Variants in XG observed in about 807,000 individuals in gnomAD.
XG encodes Xg glycoprotein (Xg blood group).
A neutral mutation model predicts 25.7 loss-of-function variants in XG; 24 were observed. The ratio of observed to expected loss-of-function variants is 0.93; its 90% CI spans 0.68 to 1.31. The LOEUF (loss-of-function observed/expected upper bound fraction) is 1.31, where lower values mean the gene tolerates loss of function less well. Ranked by LOEUF, XG falls within the 40% of genes most tolerant of loss-of-function variation. The pLI, the probability that XG is intolerant of heterozygous loss-of-function variation, is 0.00. For synonymous variants in XG, 77 were observed against 69.2 expected (o/e 1.11, Z -0.56); for missense variants, 181 against 187.6 (o/e 0.96, Z 0.21).
rs1278660840 is a variant in XG, at chrX:2,752,278, G to C, written c.4G>C (p.Glu2Gln). Residue 2 changes from glutamate to glutamine, a missense_variant, in exon 1 of 11, where the codon GAG becomes CAG. Physicochemically the swap from Glu to Gln is conservative, Grantham distance 29 (BLOSUM62 2). Coordinates refer to ENST00000644266, the MANE Select transcript of XG (RefSeq NM_001141919.2). ...TTCTTGCATCCTGAAGCAAACCATG[G>C]AGAGCTGGTGGGGACTTCCCTGTCT... Reference protein sequence around the residue: MESWWGLPCLAF... With the variant: MQSWWGLPCLAF... 1 of 1,613,890 alleles carries C rather than the reference G, an allele frequency of 6.2e-7. No individual in the cohort carries two copies. Among genetic ancestry groups the C allele is most frequent in the East Asian group, 2.2e-5 (1 of 44,882 alleles).
chrX:2,797,773 T>G (rs2086899828), intron 7 of XG, among the ~76,000 whole-genome samples: 1 of 111,643 alleles, frequency 9.0e-6, no homozygotes, highest in African/African-American at 3.3e-5. Context: ...GGCTCATGCC[T>G]GTAATCCCAG....
chrX:2,757,236 C>G (rs1022872440), intron 1 of XG, among the ~76,000 whole-genome samples: 1 of 152,048 alleles, frequency 6.6e-6, no homozygotes, highest in African/African-American at 2.4e-5. Context: ...TGGTTCCTCA[C>G]CTTTTCTGCT....
chrX:2,807,173 TG>T (rs1353848465), intron 8 of XG, among the ~76,000 whole-genome samples: 2 of 113,190 alleles, frequency 1.8e-5, no homozygotes, highest in Non-Finnish European at 3.7e-5. Context: ...TGTTTGTGTA[TG>T]TGCACAGATG....
chrX:2,776,158 C>G (rs2124471219), intron 3 of XG, among the ~76,000 whole-genome samples: 1 of 151,854 alleles, frequency 6.6e-6, no homozygotes, highest in East Asian at 1.9e-4. Context: ...AATTAAGAGT[C>G]CTTTATAAGC....
At chrX:2,765,602 G>A (rs1300049009) in intron 1 of XG, among the ~76,000 whole-genome samples, 3 of 152,188 alleles carry the variant, frequency 2.0e-5, no homozygotes, top group East Asian at 3.8e-4. Flanking sequence ...ATTGGGGTCA[G>A]GGATTTAGAT....
chrX:2,801,722 T>G (rs1482281802), intron 7 of XG, among the ~76,000 whole-genome samples: 1 of 111,016 alleles, frequency 9.0e-6, no homozygotes, highest in Non-Finnish European at 1.9e-5. Flanking sequence ...TTTTTATTTT[T>G]TTTTGAGACG....
chrX:2,772,405 G>T (rs35446509), intron 2 of XG, among the ~76,000 whole-genome samples: 26,167 of 152,182 alleles, frequency 0.17, 2,844 homozygotes, highest in South Asian at 0.34. Context: ...AGGGGGTTCT[G>T]ATGCGTGCTA....
At chrX:2,780,675 G>A (rs2051100494) in intron 3 of XG, among the ~76,000 whole-genome samples, 2 of 151,204 alleles carry the variant, frequency 1.3e-5, no homozygotes, top group Non-Finnish European at 2.9e-5. Context: ...CGGAGATCAT[G>A]CCACTGCACT....
At chrX:2,778,608 T>C (rs180840108) in intron 3 of XG, among the ~76,000 whole-genome samples, 1 of 152,176 alleles carries the variant, frequency 6.6e-6, no homozygotes, top group Admixed American at 6.5e-5. Context: ...AACTGAGCAA[T>C]GCATAGGTTC....
At chrX:2,772,918 A>C (rs1255507513) in intron 2 of XG, among the ~76,000 whole-genome samples, 1 of 152,182 alleles carries the variant, frequency 6.6e-6, no homozygotes, top group Non-Finnish European at 1.5e-5. Context: ...CCCAGTGCAG[A>C]GGAACCACAG....
At chrX:2,773,502 AGAAG>A (rs1156671340) in intron 2 of XG, among the ~76,000 whole-genome samples, 10 of 126,578 alleles carry the variant, frequency 7.9e-5, no homozygotes, top group African/African-American at 2.1e-4. Flanking sequence ...AAGGAAGGAG[AGAAG>A]GAAGGAAGGA....
At chrX:2,765,390 G>GAAGGA (rs1279363243) in intron 1 of XG, among the ~76,000 whole-genome samples, 1 of 150,954 alleles carries the variant, frequency 6.6e-6, no homozygotes, top group Non-Finnish European at 1.5e-5. Context: ...AGGAAGGAAG[G>GAAGGA]AAGGAAGGAA....
chrX:2,757,509 T>TA (rs974757812), intron 1 of XG, among the ~76,000 whole-genome samples: 10 of 151,792 alleles, frequency 6.6e-5, no homozygotes, highest in Non-Finnish European at 8.8e-5. Context: ...ATGTAAAGAC[T>TA]AAAAAAGACT....
chrX:2,766,255 C>T (rs2050684940), intron 1 of XG, among the ~76,000 whole-genome samples: 1 of 152,224 alleles, frequency 6.6e-6, no homozygotes, highest in South Asian at 2.1e-4. Context: ...ATTCTCCTGC[C>T]TCAGCCTCCT....
At chrX:2,752,587 T>G (rs1358156225) in intron 1 of XG, among the ~76,000 whole-genome samples, 2 of 152,168 alleles carry the variant, frequency 1.3e-5, no homozygotes, top group African/African-American at 2.4e-5. Flanking sequence ...TCGCCATATT[T>G]TCCTGTTTTG....
intron 1 of XG, among the ~76,000 whole-genome samples, chrX:2,767,047 C>T (rs1011330057): frequency 1.3e-5 from 2 of 148,150 alleles, no homozygotes; most frequent in African/African-American, 2.4e-5. Flanking sequence ...GGAGAAGTTC[C>T]GAGAGAAACT....
At position 2,794,412 on chromosome X, in the gene XG, A is replaced by G; in HGVS notation, c.254-123A>G. 3.9e-6 allele frequency: 3 copies of G among 768,031 alleles called. No individual in the cohort carries two copies. The East Asian group carries it at 1.1e-4, about 29-fold the overall frequency. 63.3% of individuals were successfully genotyped at this position (768,031 alleles called of 1,213,427 possible). On this transcript the variant is annotated intron_variant, in intron 5 of 10. Coordinates refer to ENST00000644266, the MANE Select transcript of XG (RefSeq NM_001141919.2). Reference sequence around the variant, plus strand: ...TCCTGGTGCCTGTGGGCGTCCTGCAAAGAGCCAGTTGGCGTCGGAACGCTC... The same window carrying G: ...TCCTGGTGCCTGTGGGCGTCCTGCAGAGAGCCAGTTGGCGTCGGAACGCTC...
intron 1 of XG, among the ~76,000 whole-genome samples, chrX:2,759,263 A>G (rs1242213935): frequency 6.6e-6 from 1 of 152,186 alleles, no homozygotes; most frequent in Admixed American, 6.5e-5. Flanking sequence ...CATGACAGAG[A>G]GTTACGCAGC....
At chrX:2,788,215 T>C in intron 4 of XG, among the ~76,000 whole-genome samples, 1 of 112,678 alleles carries the variant, frequency 8.9e-6, no homozygotes, top group Admixed American at 9.4e-5. Flanking sequence ...CCTTGCCTTT[T>C]TTGTGAATTA....
Sources: gnomAD v4.1 joint callset for allele counts (sites outside exome capture counted in the v4.1 genomes callset) on GRCh38, gnomAD v4.1.1 for gene constraint, MANE v1.5 for transcripts, NCBI Gene and HGNC (gene_info 2026-07-23, HGNC 2026-07-21) for gene names.